The following CPNE4 variants were observed in gnomAD, a reference collection of about 807,000 sequenced individuals.
CPNE4 encodes copine-4.
CPNE4 carries 25 observed loss-of-function variants against 67.9 expected under a neutral mutation model. That is an observed-to-expected ratio of 0.37 (90% CI 0.27 to 0.51). The LOEUF (loss-of-function observed/expected upper bound fraction) is 0.51, where lower values mean the gene tolerates loss of function less well. CPNE4 is among the 20% of genes least tolerant of loss of function. The pLI, the probability that CPNE4 is intolerant of heterozygous loss-of-function variation, is 0.93. For synonymous variants in CPNE4, 242 were observed against 244.9 expected, an observed-to-expected ratio of 0.99 and a Z score of 0.11; for missense variants, 464 against 690.8, an observed-to-expected ratio of 0.67 and a Z score of 3.68.
intron 2 of CPNE4, among the ~76,000 whole-genome samples, chr3:131,870,406 T>C (rs1352100254): frequency 2.0e-5 from 3 of 152,192 alleles, no homozygotes; most frequent in African/African-American, 7.2e-5. Context: ...ATGAGGGCTT[T>C]AGCTGCTAAT....
At chr3:131,793,740 C>T (rs899312738) in intron 2 of CPNE4, among the ~76,000 whole-genome samples, 2 of 152,168 alleles carry the variant, frequency 1.3e-5, no homozygotes, top group African/African-American at 4.8e-5. Flanking sequence ...TCTCATCACC[C>T]AGGTCTCCGC....
intron 7 of CPNE4, among the ~76,000 whole-genome samples, chr3:131,638,042 T>C (rs1397040768): frequency 6.6e-6 from 1 of 152,008 alleles, no homozygotes; most frequent in Non-Finnish European, 1.5e-5. Context: ...GAGTTCTAAA[T>C]CTTGAAACAA....
intron 7 of CPNE4, among the ~76,000 whole-genome samples, chr3:131,621,629 T>C (rs1179089979): frequency 6.6e-6 from 1 of 152,148 alleles, no homozygotes; most frequent in Middle Eastern, 3.2e-3. Flanking sequence ...GGGCCAGCTT[T>C]GGAGAATCTT....
chr3:131,572,200 T>C (rs1168593889), intron 10 of CPNE4, among the ~76,000 whole-genome samples: 3 of 152,074 alleles, frequency 2.0e-5, no homozygotes, highest in African/African-American at 7.2e-5. Flanking sequence ...TGCTTATATT[T>C]TGTATTGGTC....
intron 1 of CPNE4, among the ~76,000 whole-genome samples, chr3:131,982,456 C>T (rs2072931864): frequency 6.6e-6 from 1 of 152,184 alleles, no homozygotes. Flanking sequence ...AAGTGCTAGA[C>T]TGAGAAACTG....
chr3:132,034,520 TCA>T, intron 1 of CPNE4, 45 bp downstream of exon 1: 2 of 944,806 alleles, frequency 2.1e-6, no homozygotes, highest in Non-Finnish European at 2.5e-6. Flanking sequence ...GACTTTGCAA[TCA>T]CAGCGCCCCA....
At chr3:131,579,460 C>A (rs1188251674) in intron 9 of CPNE4, among the ~76,000 whole-genome samples, 1 of 152,160 alleles carries the variant, frequency 6.6e-6, no homozygotes, top group African/African-American at 2.4e-5. Context: ...ACTTTCAAGT[C>A]TTCTTATTTA....
chr3:131,804,809 T>G (rs773283790), intron 2 of CPNE4, among the ~76,000 whole-genome samples: 2 of 152,232 alleles, frequency 1.3e-5, no homozygotes, highest in Non-Finnish European at 2.9e-5. Context: ...ACAAGTGACA[T>G]GTGGCCCAGT....
chr3:132,003,099 G>C (rs1161853257), intron 1 of CPNE4, among the ~76,000 whole-genome samples: 2 of 152,112 alleles, frequency 1.3e-5, no homozygotes, highest in Non-Finnish European at 2.9e-5. Flanking sequence ...AGTTCTGAAT[G>C]AAACACATTG....
chr3:131,706,440 A>C (rs2081415258), intron 3 of CPNE4, among the ~76,000 whole-genome samples: 1 of 152,252 alleles, frequency 6.6e-6, no homozygotes, highest in Admixed American at 6.5e-5. Flanking sequence ...AAGTATTATA[A>C]GCTTACGTAT....
At chr3:131,626,862 T>C (rs60227096) in intron 7 of CPNE4, among the ~76,000 whole-genome samples, 4,301 of 152,302 alleles carry the variant, frequency 0.028, 69 homozygotes, top group Middle Eastern at 0.051. Context: ...TTGAAGTCCA[T>C]GCTCACTGGC....
At chr3:131,981,542 C>T (rs1437425403) in intron 1 of CPNE4, among the ~76,000 whole-genome samples, 1 of 152,184 alleles carries the variant, frequency 6.6e-6, no homozygotes, top group Non-Finnish European at 1.5e-5. Context: ...CTCCAAAGGG[C>T]TTGGTTCTTC....
intron 8 of CPNE4, among the ~76,000 whole-genome samples, chr3:131,582,376 T>A (rs1425910526): frequency 6.6e-6 from 1 of 152,148 alleles, no homozygotes; most frequent in Non-Finnish European, 1.5e-5. Context: ...CTACAGAAGA[T>A]TTAATGGGAC....
At chr3:131,708,985 T>TATATATATATAC (rs2081490605) in intron 3 of CPNE4, among the ~76,000 whole-genome samples, 1 of 103,022 alleles carries the variant, frequency 9.7e-6, no homozygotes, top group African/African-American at 3.7e-5. Context: ...TATATATATA[T>TATATATATATAC]ATATATATAT....
chr3:131,753,977 G>T (rs916955107), intron 2 of CPNE4, among the ~76,000 whole-genome samples: 1 of 152,016 alleles, frequency 6.6e-6, no homozygotes, highest in Non-Finnish European at 1.5e-5. Flanking sequence ...AATATGAAGA[G>T]ATATATGAAC....
rs1224174343 is a variant in CPNE4, at chr3:131,938,356, CA to C, written c.-1-32913del. Among the ~76,000 whole-genome samples the C allele has an allele frequency of 3.8e-4, 54 of 141,954 alleles. No homozygotes were observed. The East Asian group carries it at 5.9e-3, about 15-fold the overall frequency. 93.1% of individuals were successfully genotyped at this position (141,954 alleles called of 152,430 possible). ...TGCGTGACAGAGTGATATGCTGTCT[CA>C]AAAAAAAAATCATTAAAAAAATTTT... On this transcript the variant is annotated intron_variant, in intron 1 of 15. Coordinates refer to ENST00000429747, the MANE Select transcript of CPNE4 (RefSeq NM_130808.3).
At chr3:131,836,893 A>G (rs2085578126) in intron 2 of CPNE4, among the ~76,000 whole-genome samples, 1 of 152,326 alleles carries the variant, frequency 6.6e-6, no homozygotes, top group South Asian at 2.1e-4. Context: ...AAAACAAGCC[A>G]TCCAATTTAA....
At chr3:131,975,826 CA>C (rs111925176) in intron 1 of CPNE4, among the ~76,000 whole-genome samples, 2,941 of 152,186 alleles carry the variant, frequency 0.019, 49 homozygotes, top group South Asian at 0.066. Flanking sequence ...ACTTATCCAA[CA>C]AATATATCAG....
rs368263190 is a variant in CPNE4, at chr3:131,955,697, T to C, written c.-1-50253A>G. Among the ~76,000 whole-genome samples the C allele has an allele frequency of 1.2e-4, 19 of 152,252 alleles. 1 individual carries two copies. The highest frequency in any genetic ancestry group is 4.3e-4 in the African/African-American group (18 of 41,552). On this transcript the variant is annotated intron_variant, in intron 1 of 15. Coordinates refer to ENST00000429747, the MANE Select transcript of CPNE4 (RefSeq NM_130808.3). ...TGTCCCTCCGCAGTGCCGTTTCCTC[T>C]TACAAACCTTTTAGAAAAGTTCCCA...
Sources: gnomAD v4.1 joint callset for allele counts (sites outside exome capture counted in the v4.1 genomes callset) on GRCh38, gnomAD v4.1.1 for gene constraint, MANE v1.5 for transcripts, NCBI Gene and HGNC (gene_info 2026-07-23, HGNC 2026-07-21) for gene names.